The following PHF2 variants were observed in gnomAD, a reference collection of about 807,000 sequenced individuals.
The protein encoded by PHF2 is lysine-specific demethylase PHF2.
PHF2 carries 27 observed loss-of-function variants against 120.5 expected under a neutral mutation model. The ratio of observed to expected loss-of-function variants is 0.22; its 90% CI spans 0.17 to 0.31. PHF2 has a LOEUF of 0.31. PHF2 is among the 10% of genes least tolerant of loss of function. The probability of loss-of-function intolerance (pLI) is 1.00; values close to 1 mark genes in which losing one functional copy is unlikely to be tolerated. For synonymous variants in PHF2, 568 were observed against 592.5 expected (o/e 0.96, Z 0.60); for missense variants, 1,024 against 1,434.8 (o/e 0.71, Z 4.63).
intron 1 of PHF2, among the ~76,000 whole-genome samples, chr9:93,603,167 C>T (rs1481955072): frequency 6.6e-6 from 1 of 152,122 alleles, no homozygotes; most frequent in Non-Finnish European, 1.5e-5. Context: ...GAGGGCTGGG[C>T]TCTGCCTCAG....
intron 1 of PHF2, among the ~76,000 whole-genome samples, chr9:93,594,368 A>T (rs968037322): frequency 6.6e-6 from 1 of 152,188 alleles, no homozygotes; most frequent in Non-Finnish European, 1.5e-5. Context: ...CTTTGGGAAC[A>T]TTCCAGGTCG....
At chr9:93,615,948 C>CT (rs1825724095) in intron 1 of PHF2, among the ~76,000 whole-genome samples, 2 of 152,150 alleles carry the variant, frequency 1.3e-5, no homozygotes, top group Non-Finnish European at 2.9e-5. Context: ...TAAAGCAGGA[C>CT]TTTTGTTGCT....
Position 93,679,552 on chromosome 9 carries a change from T to C in PHF2, c.*1876T>C. The C allele has an allele frequency of 4.4e-6, 1 of 228,424 alleles. No individual in the cohort carries two copies. Among genetic ancestry groups the C allele is most frequent in the South Asian group, 5.0e-5 (1 of 20,178 alleles). The allele number at this position is 228,424 out of a possible 1,614,324, so 14.1% of individuals were successfully genotyped here. ...GTCTAAGGCAACTTAGATCAAAGTT[T>C]TAAAAAAGTAAAAATATTTCAGGTT... On this transcript the variant is annotated 3_prime_UTR_variant, in exon 22 of 22. Coordinates refer to ENST00000359246, the MANE Select transcript of PHF2 (RefSeq NM_005392.4).
intron 3 of PHF2, among the ~76,000 whole-genome samples, chr9:93,639,162 C>T (rs563413364): frequency 6.6e-6 from 1 of 152,338 alleles, no homozygotes; most frequent in South Asian, 2.1e-4. Context: ...GATCACTCTG[C>T]AGGTATTTCC....
At chr9:93,586,157 G>A (rs1366702289) in intron 1 of PHF2, among the ~76,000 whole-genome samples, 2 of 152,208 alleles carry the variant, frequency 1.3e-5, no homozygotes, top group Non-Finnish European at 2.9e-5. Context: ...CACTGAACCC[G>A]GGGAGAGGGA....
chr9:93,653,939 A>G (rs1404254932), intron 6 of PHF2, among the ~76,000 whole-genome samples: 1 of 152,148 alleles, frequency 6.6e-6, no homozygotes. Context: ...GGAGGCCTTG[A>G]GCAAGTCACT....
At chr9:93,616,006 A>T (rs1158943492) in intron 1 of PHF2, among the ~76,000 whole-genome samples, 1 of 152,252 alleles carries the variant, frequency 6.6e-6, no homozygotes, top group Non-Finnish European at 1.5e-5. Flanking sequence ...AGGAAACCGC[A>T]GGAAAGTATA....
rs1862821820 is a variant in PHF2 at position 93,576,706 on chromosome 9, C to T, written c.-68C>T. On this transcript the variant is annotated 5_prime_UTR_variant, in exon 1 of 22. Transcript: ENST00000359246. Reference sequence around the variant, plus strand: ...CCCCGCCGCCCCCGCGCGGCCCGGCCCCCGGCCCGGCCCGGACCGACCCGG... The same window carrying T: ...CCCCGCCGCCCCCGCGCGGCCCGGCTCCCGGCCCGGCCCGGACCGACCCGG... 2.8e-5 allele frequency: 18 copies of T among 641,696 alleles called. No homozygotes were observed. The highest frequency in any genetic ancestry group is 4.0e-5 in the African/African-American group (2 of 49,516). 39.8% of individuals were successfully genotyped at this position (641,696 alleles called of 1,614,324 possible).
At chr9:93,579,042 T>G (rs10821162) in intron 1 of PHF2, among the ~76,000 whole-genome samples, 84,817 of 152,070 alleles carry the variant, frequency 0.56, 24,390 homozygotes, top group African/African-American at 0.69. Context: ...GCTCCCCAAT[T>G]GTTCTGGGCA....
At chr9:93,601,173 T>C (rs538196369) in intron 1 of PHF2, among the ~76,000 whole-genome samples, 171 of 152,194 alleles carry the variant, frequency 1.1e-3, no homozygotes, top group African/African-American at 3.9e-3. Context: ...TGTTCAAGAG[T>C]GTACAGAGCT....
chr9:93,645,077 G>T (rs751912101), intron 3 of PHF2, among the ~76,000 whole-genome samples: 25 of 152,188 alleles, frequency 1.6e-4, no homozygotes, highest in Non-Finnish European at 2.6e-4. Context: ...TAGGCAGGGC[G>T]AGAGAGAGAC....
intron 1 of PHF2, among the ~76,000 whole-genome samples, chr9:93,626,140 G>A (rs926886912): frequency 6.6e-6 from 1 of 152,140 alleles, no homozygotes; most frequent in Non-Finnish European, 1.5e-5. Flanking sequence ...CTACTCGGGA[G>A]GCTGAGACAG....
In PHF2 at chr9:93,660,355, A is replaced by C. The variant is rs1207149405; in HGVS notation, c.1493A>C (p.Lys498Thr). ...AAAAAAAAGACTCCCAAAACTGTGA[A>C]GATGCCCAAGCCATCCAAAATCCCC... The part of the protein sequence containing the change: ...VSKKKTPKTV[K>T]MPKPSKIPKP... The change falls in exon 12 of 22, where the codon AAG becomes ACG. Residue 498 changes from lysine (K) to threonine (T), a missense_variant. Lys to Thr is a moderately conservative substitution (Grantham distance 78). Around this residue, in one of 2 missense-constraint regions of PHF2, gnomAD observed 677 missense variants for 857.4 expected, o/e 0.79. Coordinates refer to ENST00000359246, the MANE Select transcript of PHF2 (RefSeq NM_005392.4). The C allele has an allele frequency of 6.3e-6, 10 of 1,596,828 alleles. No homozygotes were observed. The highest frequency in any genetic ancestry group is 7.7e-6 in the Non-Finnish European group (9 of 1,171,624).
chr9:93,583,448 A>G (rs549394156), intron 1 of PHF2, among the ~76,000 whole-genome samples: 49 of 152,252 alleles, frequency 3.2e-4, no homozygotes, highest in Non-Finnish European at 6.6e-4. Flanking sequence ...TTGCCGGATC[A>G]TATGGTAACT....
chr9:93,652,374 A>G (rs1826383902), intron 5 of PHF2, among the ~76,000 whole-genome samples: 1 of 144,208 alleles, frequency 6.9e-6, no homozygotes, highest in East Asian at 2.0e-4. Flanking sequence ...GGCTCACTGT[A>G]ACCTCTGCCT....
intron 1 of PHF2, among the ~76,000 whole-genome samples, chr9:93,594,265 G>T (rs1056067191): frequency 4.6e-5 from 7 of 151,266 alleles, no homozygotes; most frequent in Non-Finnish European, 7.4e-5. Context: ...AGAGCTACCC[G>T]AGGGCCCCTG....
intron 6 of PHF2, 50 bp downstream of exon 6, chr9:93,653,415 T>C (rs773855735): frequency 1.1e-5 from 17 of 1,581,396 alleles, no homozygotes; most frequent in Middle Eastern, 4.1e-4. Context: ...CCATGACCCA[T>C]CTGCAGGATT....
chr9:93,584,685 A>G (rs1863002545), intron 1 of PHF2, among the ~76,000 whole-genome samples: 1 of 152,108 alleles, frequency 6.6e-6, no homozygotes, highest in Non-Finnish European at 1.5e-5. Context: ...GAGTCCTCTG[A>G]TTTTATATTC....
chr9:93,589,457 C>T lies in PHF2; in HGVS notation c.98+12586C>T, dbSNP rs115186641. ...CAGGAGCACCTTGCCGCTTGCCCCA[C>T]GCCCACATTTGACAAGCCAGAGTGT... is the stretch of plus-strand genomic sequence containing the variant. On this transcript the variant is annotated intron_variant, in intron 1 of 21. Transcript: ENST00000359246. Among the ~76,000 whole-genome samples, 1,022 of 152,244 alleles carry T rather than the reference C, an allele frequency of 6.7e-3. 15 individuals are homozygous for T. The highest frequency in any genetic ancestry group is 0.024 in the African/African-American group (985 of 41,530).
Sources: gnomAD v4.1 joint callset for allele counts (sites outside exome capture counted in the v4.1 genomes callset) on GRCh38, gnomAD v4.1.1 for gene constraint, gnomAD v4.1.1 regional missense constraint, MANE v1.5 for transcripts, NCBI Gene and HGNC (gene_info 2026-07-23, HGNC 2026-07-21) for gene names.